The following DDX46 variants were observed in gnomAD, a reference collection of about 807,000 sequenced individuals.
DDX46 encodes probable ATP-dependent RNA helicase DDX46.
Under a neutral mutation model 134.9 loss-of-function variants are expected in DDX46, and 30 were observed. That is an observed-to-expected ratio of 0.22 (90% CI 0.17 to 0.30). The LOEUF (loss-of-function observed/expected upper bound fraction) is 0.30. Among genes scored for constraint, DDX46 ranks in the 10% least tolerant of loss-of-function variants. The pLI is 1.00. For missense variants in DDX46, 622 were observed against 1,248.7 expected (o/e 0.50, Z 7.56); for synonymous variants, 415 against 404.1 (o/e 1.03, Z -0.32).
chr5:134,763,798 TTGAG>T, intron 1 of DDX46, 102 bp from the exon 2 acceptor site: 3 of 1,292,444 alleles, frequency 2.3e-6, no homozygotes, highest in Non-Finnish European at 3.1e-6. Flanking sequence ...AAAAAGTTCT[TTGAG>T]TGTTAAATTT....
chr5:134,772,552 T>C (rs572878271), intron 4 of DDX46, among the ~76,000 whole-genome samples: 5 of 152,032 alleles, frequency 3.3e-5, no homozygotes, highest in African/African-American at 1.2e-4. Context: ...AATTTAGACA[T>C]GAGGCCAGGT....
chr5:134,805,559 A>G (rs1254635629), intron 15 of DDX46, among the ~76,000 whole-genome samples: 1 of 128,656 alleles, frequency 7.8e-6, no homozygotes, highest in East Asian at 2.3e-4. Context: ...ACAGAGTTTT[A>G]CTCTTGTTAT....
rs755709645 is a variant in DDX46 at position 134,829,461 on chromosome 5, C to T, written c.*755C>T. On this transcript the variant is annotated 3_prime_UTR_variant, in exon 23 of 23. Coordinates refer to ENST00000452510, the MANE Select transcript of DDX46 (RefSeq NM_001300860.2). Reference sequence around the variant, plus strand: ...TAGCCTATAAATACTAAATATGATACCTTTTCCTTCTAGAAAGTGTTTATT... The same window carrying T: ...TAGCCTATAAATACTAAATATGATATCTTTTCCTTCTAGAAAGTGTTTATT... 6.6e-6 allele frequency: 1 copy of T among 151,874 alleles called. No homozygotes were observed. The highest frequency in any genetic ancestry group is 1.5e-5 in the Non-Finnish European group (1 of 67,970). 9.4% of individuals were successfully genotyped at this position (151,874 alleles called of 1,614,324 possible).
chr5:134,775,527 C>T (rs1753907293), intron 5 of DDX46, among the ~76,000 whole-genome samples: 1 of 152,034 alleles, frequency 6.6e-6, no homozygotes, highest in South Asian at 2.1e-4. Flanking sequence ...TTCTCTGCCT[C>T]AGCCTCCTGA....
In DDX46 at chr5:134,781,324, G is replaced by C. The variant is rs550180634; in HGVS notation, c.879+78G>C. ...TTAGAAAGCATTCATGGAGATGTGC[G>C]TTTCATTTGTGTGAGCTAGGAGAAA... On this transcript the variant is annotated intron_variant, in intron 7 of 22. Transcript: ENST00000452510. 7 of 1,115,054 alleles carry C rather than the reference G, an allele frequency of 6.3e-6. No individual in the cohort carries two copies. In the South Asian group the frequency reaches 1.0e-4, roughly 16 times the overall value. The allele number at this position is 1,115,054 out of a possible 1,614,324, so 69.1% of individuals were successfully genotyped here. A position where few individuals can be genotyped will look rare whatever the true frequency, so the allele number is the denominator to read the frequency against.
chr5:134,772,479 G>A (rs755132690), intron 4 of DDX46, among the ~76,000 whole-genome samples: 4 of 150,504 alleles, frequency 2.7e-5, no homozygotes, highest in Admixed American at 6.6e-5. Flanking sequence ...CTGAGATCCC[G>A]CCAATGCACT....
chr5:134,773,680 C>G lies in DDX46; in HGVS notation c.448-16C>G. On this transcript the variant is annotated splice_polypyrimidine_tract_variant and intron_variant, in intron 4 of 22. Coordinates refer to ENST00000452510, the MANE Select transcript of DDX46 (RefSeq NM_001300860.2). The stretch of plus-strand genomic sequence containing the variant: ...TTTATTTTCCCCCATCTCTTTCTTT[C>G]TTTTATTCCCCCAAGAACTTTGACC... 1 of 1,555,990 alleles carries G rather than the reference C, an allele frequency of 6.4e-7. No individual in the cohort carries two copies. The highest frequency in any genetic ancestry group is 8.7e-7 in the Non-Finnish European group (1 of 1,154,856).
chr5:134,781,020 T>TA (rs1561858246), intron 6 of DDX46, 113 bp from the exon 7 acceptor site: 1 of 735,404 alleles, frequency 1.4e-6, no homozygotes, highest in Non-Finnish European at 2.1e-6. Context: ...ACCATGTCAC[T>TA]AAAAAAAGAA....
Position 134,817,539 on chromosome 5 carries a change from C to T in DDX46, c.2657C>T (p.Thr886Ile). The T allele has an allele frequency of 6.2e-7, 1 of 1,614,062 alleles. No homozygotes were observed. Among genetic ancestry groups the T allele is most frequent in the Non-Finnish European group, 8.5e-7 (1 of 1,180,016 alleles). Reference protein sequence around the residue: ...QATNAILRGGTILAPTVSAKT... With the variant: ...QATNAILRGGIILAPTVSAKT... ...ACCAATGCAATTCTTAGGGGTGGCACCATTCTGGCTCCCACTGTTTCTGCA... is the reference window on the plus strand; with the variant it reads ...ACCAATGCAATTCTTAGGGGTGGCATCATTCTGGCTCCCACTGTTTCTGCA... The change falls in exon 20 of 23, where the codon ACC becomes ATC. Residue 886 changes from threonine to isoleucine, a missense_variant. By Grantham distance (89) the Thr-to-Ile change is moderately conservative (BLOSUM62 -1). This residue lies in a region of DDX46 where 76 missense variants were observed against 213.0 expected (regional missense o/e 0.36). Transcript: ENST00000452510.
At chr5:134,787,555 C>G (rs1754375874) in intron 11 of DDX46, among the ~76,000 whole-genome samples, 1 of 152,130 alleles carries the variant, frequency 6.6e-6, no homozygotes, top group African/African-American at 2.4e-5. Flanking sequence ...ACTTCATTTT[C>G]TAAGTTTATC....
At chr5:134,777,879 A>G in intron 6 of DDX46, 154 bp downstream of exon 6, 1 of 785,984 alleles carries the variant, frequency 1.3e-6, no homozygotes, top group Non-Finnish European at 1.9e-6. Context: ...AGTACCAGAG[A>G]TACTGGTAAA....
intron 1 of DDX46, among the ~76,000 whole-genome samples, chr5:134,763,329 A>G (rs1352253824): frequency 1.3e-5 from 2 of 152,188 alleles, no homozygotes; most frequent in Non-Finnish European, 2.9e-5. Context: ...GAGTCCTTAT[A>G]TAATGGCCAG....
chr5:134,794,689 C>G (rs934468186), intron 13 of DDX46, among the ~76,000 whole-genome samples, 161 bp from the exon 14 acceptor site: 1 of 152,104 alleles, frequency 6.6e-6, no homozygotes, highest in Non-Finnish European at 1.5e-5. Flanking sequence ...GATTTTTGTC[C>G]TAAGCATGTG....
chr5:134,789,034 C>G (rs1358790243), intron 12 of DDX46, among the ~76,000 whole-genome samples: 2 of 151,998 alleles, frequency 1.3e-5, no homozygotes, highest in Non-Finnish European at 2.9e-5. Flanking sequence ...AAAATTTAGA[C>G]TTTTTCTCCA....
chr5:134,789,122 G>A (rs1217966907), intron 12 of DDX46: 1 of 152,004 alleles, frequency 6.6e-6, no homozygotes, highest in Non-Finnish European at 1.5e-5. Flanking sequence ...TGTAAATATT[G>A]CATGTTTGTA....
chr5:134,794,450 T>A (rs1490326871), intron 13 of DDX46, among the ~76,000 whole-genome samples: 1 of 152,238 alleles, frequency 6.6e-6, no homozygotes, highest in Non-Finnish European at 1.5e-5. Flanking sequence ...TGATTCCTGT[T>A]CTGCCAACTT....
chr5:134,824,114 AG>A (rs1325383300), intron 21 of DDX46, among the ~76,000 whole-genome samples: 3 of 152,222 alleles, frequency 2.0e-5, no homozygotes, highest in African/African-American at 7.2e-5. Flanking sequence ...AGTGATGTGA[AG>A]TGAGATATTC....
At chr5:134,780,097 T>C (rs1279817702) in intron 6 of DDX46, among the ~76,000 whole-genome samples, 1 of 118,654 alleles carries the variant, frequency 8.4e-6, no homozygotes, top group Non-Finnish European at 1.7e-5. Context: ...GAAAAAAATA[T>C]ATGTGTGTGT....
At chr5:134,816,041 A>C (rs1320774648) in intron 18 of DDX46, among the ~76,000 whole-genome samples, 1 of 151,746 alleles carries the variant, frequency 6.6e-6, no homozygotes, top group Non-Finnish European at 1.5e-5. Flanking sequence ...GTTTCATTGC[A>C]GTATAATTTG....
Sources: gnomAD v4.1 joint callset for allele counts (sites outside exome capture counted in the v4.1 genomes callset) on GRCh38, gnomAD v4.1.1 for gene constraint, gnomAD v4.1.1 regional missense constraint, MANE v1.5 for transcripts, NCBI Gene and HGNC (gene_info 2026-07-23, HGNC 2026-07-21) for gene names.